The following LUZP2 variants were observed in gnomAD, a reference collection of about 807,000 sequenced individuals.
The protein encoded by LUZP2 is leucine zipper protein 2.
A neutral mutation model predicts 51.6 loss-of-function variants in LUZP2; 52 were observed. That is an observed-to-expected ratio of 1.01 (90% confidence interval 0.81 to 1.27). The LOEUF is 1.27. Ranked by LOEUF, LUZP2 falls within the 50% of genes most tolerant of loss-of-function variation. LUZP2 has a pLI of 0.00. For synonymous variants in LUZP2, 154 were observed against 137.3 expected (o/e 1.12, Z -0.85); for missense variants, 436 against 395.4 (o/e 1.10, Z -0.87).
At chr11:24,508,010 A>G (rs1049964674) in intron 1 of LUZP2, among the ~76,000 whole-genome samples, 5 of 151,490 alleles carry the variant, frequency 3.3e-5, no homozygotes, top group East Asian at 1.9e-4. Flanking sequence ...ATATAAATGA[A>G]TAGTACTTAG....
chr11:24,531,121 G>A (rs1275574856), intron 1 of LUZP2, among the ~76,000 whole-genome samples: 1 of 149,172 alleles, frequency 6.7e-6, no homozygotes, highest in Non-Finnish European at 1.5e-5. Context: ...ATAATGCACT[G>A]TGTTTCACAT....
At chr11:24,515,274 A>G (rs1204787431) in intron 1 of LUZP2, among the ~76,000 whole-genome samples, 1 of 152,160 alleles carries the variant, frequency 6.6e-6, no homozygotes, top group Non-Finnish European at 1.5e-5. Context: ...TAGGAATACT[A>G]CACATCCTCT....
At chr11:24,767,908 T>C (rs1030977098) in intron 5 of LUZP2, among the ~76,000 whole-genome samples, 2 of 152,158 alleles carry the variant, frequency 1.3e-5, no homozygotes, top group Non-Finnish European at 2.9e-5. Context: ...CAATCTCCCA[T>C]GCTTCAAAGG....
intron 3 of LUZP2, among the ~76,000 whole-genome samples, chr11:24,733,423 A>T (rs1475834339): frequency 6.6e-6 from 1 of 151,832 alleles, no homozygotes; most frequent in Non-Finnish European, 1.5e-5. Context: ...GAATAGCAAT[A>T]GTAGAACATT....
At chr11:24,567,809 G>C (rs1852292030) in intron 1 of LUZP2, among the ~76,000 whole-genome samples, 1 of 152,050 alleles carries the variant, frequency 6.6e-6, no homozygotes, top group Admixed American at 6.6e-5. Flanking sequence ...TGTGTTGCTA[G>C]CAGATCTGCC....
chr11:24,682,613 T>C (rs1407240165), intron 1 of LUZP2, among the ~76,000 whole-genome samples: 3 of 145,130 alleles, frequency 2.1e-5, no homozygotes, highest in African/African-American at 5.0e-5. Context: ...TATATGTGTA[T>C]GTGTATATAT....
intron 5 of LUZP2, among the ~76,000 whole-genome samples, chr11:24,888,625 G>C (rs989423285): frequency 6.6e-6 from 1 of 152,082 alleles, no homozygotes; most frequent in African/African-American, 2.4e-5. Flanking sequence ...TTCCCAAAAA[G>C]TTGTAGGAAT....
At chr11:24,693,332 TC>T (rs1263777138) in intron 1 of LUZP2, among the ~76,000 whole-genome samples, 2 of 151,528 alleles carry the variant, frequency 1.3e-5, no homozygotes, top group East Asian at 1.9e-4. Flanking sequence ...AGGCAGCTGA[TC>T]TTTTTCACAG....
intron 7 of LUZP2, among the ~76,000 whole-genome samples, chr11:24,916,770 T>C (rs565600963): frequency 2.4e-4 from 36 of 152,322 alleles, no homozygotes; most frequent in Non-Finnish European, 4.1e-4. Flanking sequence ...GTCTTTGCTA[T>C]TGTGAATAGT....
chr11:24,616,809 G>T (rs1215113613), intron 1 of LUZP2, among the ~76,000 whole-genome samples: 1 of 151,948 alleles, frequency 6.6e-6, no homozygotes, highest in Non-Finnish European at 1.5e-5. Flanking sequence ...CCATATGCAG[G>T]TCTACCTCTA....
chr11:25,072,009 G>A (rs1326613436), intron 10 of LUZP2, among the ~76,000 whole-genome samples: 2 of 151,978 alleles, frequency 1.3e-5, no homozygotes. Flanking sequence ...TTGATTTTAT[G>A]TTTTAAAATG....
rs77413270 is a variant in LUZP2 at position 24,634,874 on chromosome 11, G to C, written c.63-94295G>C. ...TTTCTGTGACTTGGAACAGATACAG[G>C]CTTCTCAGTATGAACCTAGTAAGCA... On this transcript the variant is annotated intron_variant, in intron 1 of 11. Coordinates refer to ENST00000336930, the MANE Select transcript of LUZP2 (RefSeq NM_001009909.4). Among the ~76,000 whole-genome samples, 145 of 152,170 alleles carry C rather than the reference G, an allele frequency of 9.5e-4. 5 individuals are homozygous for C. In the East Asian group the frequency reaches 0.026, roughly 27 times the overall value.
At chr11:24,762,197 C>A (rs1338269212) in intron 4 of LUZP2, among the ~76,000 whole-genome samples, 1 of 152,084 alleles carries the variant, frequency 6.6e-6, no homozygotes, top group Non-Finnish European at 1.5e-5. Flanking sequence ...TAGCTTCCAA[C>A]CCAATGACTC....
intron 7 of LUZP2, 47 bp downstream of exon 7, chr11:24,914,585 C>A: frequency 1.6e-6 from 2 of 1,240,340 alleles, no homozygotes; most frequent in Admixed American, 2.4e-5. Context: ...AGCTCAATAC[C>A]TAAAATATCA....
chr11:24,851,731 T>C (rs1851400269), intron 5 of LUZP2, among the ~76,000 whole-genome samples: 1 of 152,198 alleles, frequency 6.6e-6, no homozygotes, highest in African/African-American at 2.4e-5. Flanking sequence ...AATTTGGCTG[T>C]GAATCCGTCT....
At chr11:24,919,871 GA>G (rs1853975342) in intron 7 of LUZP2, among the ~76,000 whole-genome samples, 1 of 151,206 alleles carries the variant, frequency 6.6e-6, no homozygotes, top group African/African-American at 2.4e-5. Context: ...AATAACAAGA[GA>G]AATGTTGAAT....
At position 24,951,684 on chromosome 11, in the gene LUZP2, G is replaced by A. The variant is rs144904555; in HGVS notation, c.523-24907G>A. On this transcript the variant is annotated intron_variant, in intron 7 of 11. Coordinates refer to ENST00000336930, the MANE Select transcript of LUZP2 (RefSeq NM_001009909.4). ...GATTTATGCTACTAGAGATCAGTAGGTTTTCAATTAGCCTTTCCTTTCCAG... is the reference window on the plus strand; with the variant it reads ...GATTTATGCTACTAGAGATCAGTAGATTTTCAATTAGCCTTTCCTTTCCAG... 5.0e-3 allele frequency among the ~76,000 whole-genome samples: 765 copies of A among 151,576 alleles called. 12 individuals carry two copies. Among genetic ancestry groups the A allele is most frequent in the African/African-American group, 0.017 (713 of 41,458 alleles).
chr11:24,822,883 A>C (rs1352698406), intron 5 of LUZP2, among the ~76,000 whole-genome samples: 1 of 152,230 alleles, frequency 6.6e-6, no homozygotes, highest in Non-Finnish European at 1.5e-5. Flanking sequence ...TAAAATTTAC[A>C]CCACAAAATT....
chr11:24,931,054 T>A (rs1253950123), intron 7 of LUZP2, among the ~76,000 whole-genome samples: 2 of 151,448 alleles, frequency 1.3e-5, no homozygotes, highest in Non-Finnish European at 2.9e-5. Flanking sequence ...CTACTAAAAC[T>A]ACAAAAATTG....
Sources: gnomAD v4.1 joint callset for allele counts (sites outside exome capture counted in the v4.1 genomes callset) on GRCh38, gnomAD v4.1.1 for gene constraint, MANE v1.5 for transcripts, NCBI Gene and HGNC (gene_info 2026-07-23, HGNC 2026-07-21) for gene names.